Variants in GCC2 observed in about 807,000 individuals in gnomAD.
GCC2 encodes the protein GRIP and coiled-coil domain containing 2.
Under a neutral mutation model 210.6 loss-of-function variants are expected in GCC2, and 120 were observed. The ratio of observed to expected loss-of-function variants is 0.57; its 90% CI spans 0.49 to 0.66. The LOEUF (loss-of-function observed/expected upper bound fraction) is 0.66. GCC2 is among the 30% of genes least tolerant of loss of function. GCC2 has a pLI of 0.00. For synonymous variants in GCC2, 703 were observed against 652.7 expected (o/e 1.08, Z -1.17); for missense variants, 1,868 against 1,871.9 (o/e 1.00, Z 0.04).
Position 108,463,481 on chromosome 2 carries a change from T to G in GCC2, c.217-5499T>G, listed in dbSNP as rs113007080. The stretch of plus-strand genomic sequence containing the variant: ...ATTTGGCTGTAAACAGCATCAGTGG[T>G]GTCTGTGATTTCATCAGTGACTTAG... On this transcript the variant is annotated intron_variant, in intron 4 of 22. Coordinates refer to ENST00000309863, the MANE Select transcript of GCC2 (RefSeq NM_181453.4). 6.4e-3 allele frequency among the ~76,000 whole-genome samples: 981 copies of G among 152,332 alleles called. 12 individuals carry two copies. The highest frequency in any genetic ancestry group is 0.023 in the African/African-American group (941 of 41,580).
intron 2 of GCC2, among the ~76,000 whole-genome samples, chr2:108,450,724 A>G (rs1294561964): frequency 6.6e-6 from 1 of 152,224 alleles, no homozygotes; most frequent in Non-Finnish European, 1.5e-5. Context: ...TCTACTAAAA[A>G]TACAAAAATT....
intron 2 of GCC2, chr2:108,449,999 G>A (rs760467762): frequency 1.3e-5 from 4 of 298,642 alleles, no homozygotes; most frequent in African/African-American, 4.3e-5. Flanking sequence ...CATAGGGTAG[G>A]AATCAAGGGA....
rs1269123750 is a variant in GCC2, at chr2:108,471,386, A to C, written c.2057A>C (p.Glu686Ala). ...GAAGACAAAGAAGTATTGTCAGCTG[A>C]AGTGAAGTCTCTTTATGAGGAAAAC... ...LSEDKEVLSA[E>A]VKSLYEENNK... Residue 686 changes from glutamate to alanine, a missense_variant, in exon 6 of 23, where the codon GAA becomes GCA. Coordinates refer to ENST00000309863, the MANE Select transcript of GCC2 (RefSeq NM_181453.4). 6.2e-7 allele frequency: 1 copy of C among 1,608,208 alleles called. No individual in the cohort carries two copies. The highest frequency in any genetic ancestry group is 8.5e-7 in the Non-Finnish European group (1 of 1,178,512).
intron 5 of GCC2, 68 bp from the exon 6 acceptor site, chr2:108,469,583 T>A: frequency 9.0e-7 from 1 of 1,116,858 alleles, no homozygotes; most frequent in African/African-American, 1.6e-5. Context: ...TGGCTAATAT[T>A]TTTCCTAAGG....
chr2:108,454,071 A>G (rs2104406919), intron 4 of GCC2, among the ~76,000 whole-genome samples: 1 of 152,206 alleles, frequency 6.6e-6, no homozygotes, highest in Admixed American at 6.5e-5. Flanking sequence ...GCTCACCGCA[A>G]GCTCCGCCTC....
chr2:108,484,369 G>T, intron 13 of GCC2, 58 bp downstream of exon 13: 1 of 961,074 alleles, frequency 1.0e-6, no homozygotes, highest in Non-Finnish European at 1.5e-6. Flanking sequence ...AACTTGATTT[G>T]GTGGGGGGCA....
chr2:108,456,690 C>T (rs1402905382), intron 4 of GCC2, among the ~76,000 whole-genome samples: 1 of 152,036 alleles, frequency 6.6e-6, no homozygotes, highest in Admixed American at 6.6e-5. Context: ...AGCTTTTTAG[C>T]CTATAATCTC....
At chr2:108,457,397 A>G (rs2104415268) in intron 4 of GCC2, among the ~76,000 whole-genome samples, 1 of 152,070 alleles carries the variant, frequency 6.6e-6, no homozygotes, top group Non-Finnish European at 1.5e-5. Context: ...ATAGCCTCGT[A>G]ATATGTTTTG....
chr2:108,505,944 CTAAGG>C (rs1227593932), intron 22 of GCC2, among the ~76,000 whole-genome samples: 1 of 152,036 alleles, frequency 6.6e-6, no homozygotes, highest in African/African-American at 2.4e-5. Context: ...GCTACTCTGC[CTAAGG>C]TCAAACTGAC....
At chr2:108,486,346 C>A (rs1232415357) in intron 15 of GCC2, 165 bp from the exon 16 acceptor site, 6 of 685,334 alleles carry the variant, frequency 8.8e-6, no homozygotes, top group Non-Finnish European at 1.5e-5. Flanking sequence ...AGAAAATGTT[C>A]TACTTGTCTC....
chr2:108,487,533 C>T (rs1051105221), intron 16 of GCC2, among the ~76,000 whole-genome samples, 166 bp from the exon 17 acceptor site: 2 of 152,068 alleles, frequency 1.3e-5, no homozygotes, highest in South Asian at 4.1e-4. Context: ...AGTGTAAAGC[C>T]AACAGAAGTA....
rs528268656 is a variant in GCC2, at chr2:108,455,589, A to G, written c.216+3123A>G. Among the ~76,000 whole-genome samples the G allele has an allele frequency of 5.9e-4, 75 of 126,268 alleles. 1 individual carries two copies. The highest frequency in any genetic ancestry group is 1.8e-3 in the African/African-American group (72 of 39,482). The allele number at this position is 126,268 out of a possible 152,430, so 82.8% of individuals were successfully genotyped here. ...AATGCACAGAATATATAATCATTAA[A>G]TCAGAGTATTTACTATCCACAGCCA... is the stretch of plus-strand genomic sequence containing the variant. On this transcript the variant is annotated intron_variant, in intron 4 of 22. Transcript: ENST00000309863.
At chr2:108,491,785 A>AT (rs927665332) in intron 18 of GCC2, among the ~76,000 whole-genome samples, 24 of 146,562 alleles carry the variant, frequency 1.6e-4, no homozygotes, top group East Asian at 7.9e-4. Context: ...TTATTTATTT[A>AT]TTTTTTTTAC....
chr2:108,485,953 A>G (rs1015988402), intron 15 of GCC2, 45 bp downstream of exon 15: 2 of 891,364 alleles, frequency 2.2e-6, no homozygotes, highest in African/African-American at 3.4e-5. Flanking sequence ...TTTTTCATGT[A>G]GAAGTGAGGT....
chr2:108,490,581 G>A (rs537848008), intron 18 of GCC2, among the ~76,000 whole-genome samples: 1 of 93,218 alleles, frequency 1.1e-5, no homozygotes, highest in Admixed American at 1.2e-4. Flanking sequence ...TTTATCAAGG[G>A]TGTTGATAAT....
intron 4 of GCC2, among the ~76,000 whole-genome samples, chr2:108,464,282 G>T (rs538726871): frequency 6.6e-6 from 1 of 152,180 alleles, no homozygotes; most frequent in African/African-American, 2.4e-5. Flanking sequence ...TTGTCCTCAG[G>T]GTTCATGAGA....
At chr2:108,479,147 A>T (rs974902292) in intron 9 of GCC2, among the ~76,000 whole-genome samples, 1 of 151,900 alleles carries the variant, frequency 6.6e-6, no homozygotes, top group African/African-American at 2.4e-5. Flanking sequence ...CTAGCGACAG[A>T]GCGAGACAAC....
intron 4 of GCC2, among the ~76,000 whole-genome samples, chr2:108,458,056 T>C (rs939024926): frequency 3.3e-5 from 5 of 152,234 alleles, no homozygotes. Flanking sequence ...TAATGTGAGT[T>C]TGTCATATGT....
chr2:108,479,914 G>A (rs538813518), intron 9 of GCC2, among the ~76,000 whole-genome samples: 10 of 143,916 alleles, frequency 6.9e-5, no homozygotes, highest in African/African-American at 1.8e-4. Context: ...CGCGAGAGGC[G>A]AAGGCTGCAG....
Sources: allele counts gnomAD v4.1 joint callset (sites outside exome capture counted in the v4.1 genomes callset), GRCh38; gene constraint gnomAD v4.1.1; transcripts MANE v1.5; gene names NCBI Gene and HGNC (gene_info 2026-07-23, HGNC 2026-07-21).